UBE2W: variants seen among roughly 807,000 people sequenced by gnomAD.
UBE2W encodes ubiquitin-conjugating enzyme E2 W.
In UBE2W, 18 loss-of-function variants were observed where a neutral mutation model predicts 27.2. The ratio of observed to expected loss-of-function variants is 0.66; its 90% confidence interval spans 0.46 to 0.98. The LOEUF (loss-of-function observed/expected upper bound fraction) is 0.98, where lower values mean the gene tolerates loss of function less well. Ranked by LOEUF, UBE2W falls within the 50% of genes least tolerant of loss-of-function variation. The pLI, the probability that UBE2W is intolerant of heterozygous loss-of-function variation, is 0.00. For missense variants in UBE2W, 90 were observed against 180.2 expected, an observed-to-expected ratio of 0.50 and a Z score of 2.87; for synonymous variants, 53 against 57.2, an observed-to-expected ratio of 0.93 and a Z score of 0.33.
At position 73,789,792 on chromosome 8, in the gene UBE2W, C is replaced by G. The variant is rs776969134; in HGVS notation, c.*4310G>C. The G allele has an allele frequency of 1.1e-5, 6 of 530,962 alleles. No homozygotes were observed. Among genetic ancestry groups the G allele is most frequent in the Admixed American group, 1.3e-4 (2 of 15,628 alleles). 32.9% of individuals were successfully genotyped at this position (530,962 alleles called of 1,614,324 possible). On this transcript the variant is annotated 3_prime_UTR_variant, in exon 6 of 6. Coordinates refer to ENST00000602593, the MANE Select transcript of UBE2W (RefSeq NM_018299.6). The stretch of plus-strand genomic sequence containing the variant: ...GGTGGAGATTGAAATGAGCCAAGAT[C>G]GTGCACTGCACTAAAGCCCGGGTGA...
intron 1 of UBE2W, among the ~76,000 whole-genome samples, chr8:73,858,744 T>C (rs1811409739): frequency 6.7e-6 from 1 of 149,888 alleles, no homozygotes; most frequent in Admixed American, 6.7e-5. Context: ...CTATTTAGGA[T>C]CATGGGTAGT....
intron 1 of UBE2W, among the ~76,000 whole-genome samples, chr8:73,854,785 A>C (rs1411544394): frequency 1.3e-5 from 2 of 152,216 alleles, no homozygotes. Context: ...GACTCCCCCA[A>C]AACTTAGCTA....
intron 5 of UBE2W, among the ~76,000 whole-genome samples, chr8:73,801,225 T>C (rs886815180): frequency 6.6e-6 from 1 of 152,236 alleles, no homozygotes; most frequent in Admixed American, 6.5e-5. Flanking sequence ...CTCTGAAGTA[T>C]TCTTAGATGA....
At chr8:73,851,568 G>C (rs548880726) in intron 1 of UBE2W, among the ~76,000 whole-genome samples, 21 of 152,032 alleles carry the variant, frequency 1.4e-4, no homozygotes, top group Non-Finnish European at 2.5e-4. Context: ...CTAATATTTG[G>C]CAATAAACAT....
At chr8:73,836,243 A>G (rs566396025) in intron 1 of UBE2W, among the ~76,000 whole-genome samples, 1 of 152,316 alleles carries the variant, frequency 6.6e-6, no homozygotes, top group South Asian at 2.1e-4. Flanking sequence ...ACATTAAAAA[A>G]AGACAATTCA....
At chr8:73,782,582 G>C (rs543066252), downstream of UBE2W, among the ~76,000 whole-genome samples, 1 of 152,212 alleles carries the variant, frequency 6.6e-6, no homozygotes, top group South Asian at 2.1e-4. Context: ...TTCATTACAT[G>C]TATCAATAGT....
Position 73,793,890 on chromosome 8 carries a change from T to C in UBE2W, c.*212A>G, listed in dbSNP as rs1586437686. On this transcript the variant is annotated 3_prime_UTR_variant, in exon 6 of 6. Transcript: ENST00000602593. ...CATTTCCTGACACCTGCATTAATAC[T>C]GTATGACTAATAAAAGCATGTCAGT... The C allele has an allele frequency of 1.4e-6, 2 of 1,398,384 alleles. No individual in the cohort carries two copies. The highest frequency in any genetic ancestry group is 1.9e-6 in the Non-Finnish European group (2 of 1,071,928). 86.6% of individuals were successfully genotyped at this position (1,398,384 alleles called of 1,614,324 possible).
At chr8:73,830,494 A>C (rs533142954) in intron 1 of UBE2W, 22 bp from the exon 2 acceptor site, 8 of 1,604,346 alleles carry the variant, frequency 5.0e-6, no homozygotes, top group Non-Finnish European at 6.0e-6. Context: ...CATCAATAAT[A>C]ATTTGTCCTT....
rs886273823 is a variant in UBE2W at position 73,867,274 on chromosome 8, C to A, written c.15+11534G>T. Among the ~76,000 whole-genome samples, 3 of 151,502 alleles carry A rather than the reference C, an allele frequency of 2.0e-5. No individual in the cohort carries two copies. In the East Asian group the frequency reaches 5.9e-4, roughly 30 times the overall value. ...AACTAGGGCTGGGTGCAGTGGCTCA[C>A]GCCTGTAATCCCAGCACTTTGGGAG... On this transcript the variant is annotated intron_variant, in intron 1 of 5. Coordinates refer to ENST00000602593, the MANE Select transcript of UBE2W (RefSeq NM_018299.6).
chr8:73,786,812 AAGGAG>A lies in UBE2W; in HGVS notation c.*7285_*7289del. ...ACACTCAACAGGACTTGAAAAATGC[AAGGAG>A]AGGACTACTGAGTATCATTGCTTGA... On this transcript the variant is annotated 3_prime_UTR_variant, in exon 6 of 6. Coordinates refer to ENST00000602593, the MANE Select transcript of UBE2W (RefSeq NM_018299.6). The A allele has an allele frequency of 2.0e-6, 2 of 985,438 alleles. No individual in the cohort carries two copies. Among genetic ancestry groups the A allele is most frequent in the African/African-American group, 3.5e-5 (2 of 57,376 alleles). 61.0% of individuals were successfully genotyped at this position (985,438 alleles called of 1,614,324 possible).
chr8:73,793,065 A>C lies in UBE2W; in HGVS notation c.*1037T>G. ...AAAATTTACAAGAAAAAACTTAACA[A>C]AAGTTTCAATAAAAGTATTGTAACA... On this transcript the variant is annotated 3_prime_UTR_variant, in exon 6 of 6. Transcript: ENST00000602593. 1.0e-6 allele frequency: 1 copy of C among 985,622 alleles called. No homozygotes were observed. The highest frequency in any genetic ancestry group is 1.2e-6 in the Non-Finnish European group (1 of 829,706). 61.1% of individuals were successfully genotyped at this position (985,622 alleles called of 1,614,324 possible).
chr8:73,831,281 G>A (rs73689073), intron 1 of UBE2W: 4,987 of 239,302 alleles, frequency 0.021, 238 homozygotes, highest in African/African-American at 0.1. Context: ...AAAATATTTT[G>A]TTTTGGCTAG....
At chr8:73,849,450 T>G (rs1810974022) in intron 1 of UBE2W, among the ~76,000 whole-genome samples, 1 of 136,466 alleles carries the variant, frequency 7.3e-6, no homozygotes, top group African/African-American at 2.8e-5. Context: ...AGGTGGAGAT[T>G]GTAGTGAGCC....
At chr8:73,783,446 G>C (rs772285195), downstream of UBE2W, among the ~76,000 whole-genome samples, 1 of 152,126 alleles carries the variant, frequency 6.6e-6, no homozygotes, top group Non-Finnish European at 1.5e-5. Context: ...CCTTTCGTTC[G>C]ATGGAGTATT....
intron 2 of UBE2W, among the ~76,000 whole-genome samples, chr8:73,825,464 T>C (rs1369440285): frequency 6.6e-6 from 1 of 152,054 alleles, no homozygotes; most frequent in African/African-American, 2.4e-5. Flanking sequence ...CAGATCAAGG[T>C]CAGACAGCTA....
intron 1 of UBE2W, among the ~76,000 whole-genome samples, chr8:73,878,202 C>T (rs907509973): frequency 6.6e-6 from 1 of 152,124 alleles, no homozygotes. Flanking sequence ...GCGAGAATAC[C>T]GAGGCTGATG....
chr8:73,870,904 CA>C (rs575884218), intron 1 of UBE2W, among the ~76,000 whole-genome samples: 107 of 147,432 alleles, frequency 7.3e-4, no homozygotes, highest in Admixed American at 1.4e-3. Flanking sequence ...GAGAAAACAA[CA>C]AGCAGGAGTA....
chr8:73,834,651 G>A (rs1420510801), intron 1 of UBE2W, among the ~76,000 whole-genome samples: 1 of 152,174 alleles, frequency 6.6e-6, no homozygotes, highest in Non-Finnish European at 1.5e-5. Context: ...GCTCAAGCCT[G>A]TAATTCCAGC....
chr8:73,804,195 G>GC (rs1808771436), intron 5 of UBE2W, among the ~76,000 whole-genome samples: 2 of 151,586 alleles, frequency 1.3e-5, no homozygotes, highest in Admixed American at 1.3e-4. Context: ...GATACAGAAG[G>GC]CTTCACACTG....
Sources: gnomAD v4.1 joint callset for allele counts (sites outside exome capture counted in the v4.1 genomes callset) on GRCh38, gnomAD v4.1.1 for gene constraint, MANE v1.5 for transcripts, NCBI Gene and HGNC (gene_info 2026-07-23, HGNC 2026-07-21) for gene names.